RFX2: variants seen among roughly 807,000 people sequenced by gnomAD.
RFX2 encodes the protein regulatory factor X2.
In RFX2, 20 loss-of-function variants were observed where a neutral mutation model predicts 87.8. The ratio of observed to expected loss-of-function variants is 0.23; its 90% CI spans 0.16 to 0.33. RFX2 has a LOEUF of 0.33. Among genes scored for constraint, RFX2 ranks in the 10% least tolerant of loss-of-function variants. The pLI is 1.00. For synonymous variants in RFX2, 397 were observed against 431.3 expected, an observed-to-expected ratio of 0.92 and a Z score of 0.98; for missense variants, 767 against 1,012.3, an observed-to-expected ratio of 0.76 and a Z score of 3.29.
chr19:6,073,058 C>A (rs2087632083), intron 1 of RFX2: 2 of 465,920 alleles, frequency 4.3e-6, no homozygotes, highest in African/African-American at 4.0e-5. Flanking sequence ...CAGCTCACTG[C>A]AACCTCCGCC....
chr19:6,070,326 C>T (rs2087588384), intron 1 of RFX2, among the ~76,000 whole-genome samples: 1 of 144,188 alleles, frequency 6.9e-6, no homozygotes, highest in South Asian at 2.2e-4. Context: ...TCCACCAGTA[C>T]AGGAGAGAAG....
chr19:6,014,514 C>T lies in RFX2; in HGVS notation c.780-1409G>A, dbSNP rs537865434. ...TTGGCCTCCCAATGTGCTAGGATTA[C>T]AGGCGTGAGCAACCATGCCCGGCCC... is the stretch of plus-strand genomic sequence containing the variant. On this transcript the variant is annotated intron_variant, in intron 7 of 17. Transcript: ENST00000303657. Among the ~76,000 whole-genome samples, 51 of 152,370 alleles carry T rather than the reference C, an allele frequency of 3.3e-4. 1 individual carries two copies. In the South Asian group the frequency reaches 0.01, roughly 30 times the overall value.
chr19:6,110,319 GGCCCCCGAACGGGGTCCCCGCC>G lies in RFX2; in HGVS notation c.-9+52_-9+73del, dbSNP rs1396623649. 3.3e-3 allele frequency: 1 copy of G among 304 alleles called. No individual in the cohort carries two copies. The highest frequency in any genetic ancestry group is 9.6e-3 in the Non-Finnish European group (1 of 104). The allele number at this position is 304 out of a possible 1,614,324, so 0.0% of individuals were successfully genotyped here. On this transcript the variant is annotated intron_variant, in intron 1 of 17. Transcript: ENST00000303657. The surrounding 1 kb of genome is among the most constrained non-coding windows in gnomAD (Gnocchi z 4.3). Reference sequence around the variant, plus strand: ...GGCGGGGACGTGCTGCCCGCCCCCCGGCCCCCGAACGGGGTCCCCGCCGCCCCCCACACTCCCCGGCCGGGCT... The same window carrying G: ...GGCGGGGACGTGCTGCCCGCCCCCCGGCCCCCCACACTCCCCGGCCGGGCT...
At chr19:6,073,424 G>A (rs532361809) in intron 1 of RFX2, 11 of 1,008,126 alleles carry the variant, frequency 1.1e-5, no homozygotes, top group African/African-American at 3.2e-5. Flanking sequence ...TGCTGAGATC[G>A]CTCACAGTGT....
At chr19:6,034,554 G>T (rs995443278) in intron 5 of RFX2, among the ~76,000 whole-genome samples, 1 of 152,052 alleles carries the variant, frequency 6.6e-6, no homozygotes, top group South Asian at 2.1e-4. Flanking sequence ...TAGAGATGGG[G>T]TCTCACTATG....
chr19:6,046,908 T>G (rs974346633), intron 2 of RFX2, among the ~76,000 whole-genome samples: 1 of 151,128 alleles, frequency 6.6e-6, no homozygotes, highest in Admixed American at 6.6e-5. Context: ...GGACTACAGG[T>G]GCAGCCCACC....
chr19:6,001,131 A>G lies in RFX2; in HGVS notation c.1859+684T>C, dbSNP rs1039455350. Among the ~76,000 whole-genome samples, 2 of 152,074 alleles carry G rather than the reference A, an allele frequency of 1.3e-5. No individual in the cohort carries two copies. The highest frequency in any genetic ancestry group is 6.5e-5 in the Admixed American group (1 of 15,268). ...TCTACTGCCTTCTGGGTTTCTGCAC[A>G]TTGTTCGGAAGTCTAATGCTGCTCC... On this transcript the variant is annotated intron_variant, in intron 15 of 17. Transcript: ENST00000303657. This position sits in a 1 kb window ranked among gnomAD's most constrained non-coding sequence, Gnocchi z 5.6.
chr19:6,087,083 T>C (rs2087865268), intron 1 of RFX2, among the ~76,000 whole-genome samples: 1 of 152,140 alleles, frequency 6.6e-6, no homozygotes, highest in Non-Finnish European at 1.5e-5. Context: ...GGCAGATCTG[T>C]GGTCTTTAGA....
intron 1 of RFX2, among the ~76,000 whole-genome samples, chr19:6,105,450 G>C (rs992708996): frequency 6.6e-6 from 1 of 152,190 alleles, no homozygotes; most frequent in African/African-American, 2.4e-5. Context: ...CTAGCTTGGC[G>C]ATGAGGTCAA....
At chr19:6,067,153 G>A (rs2087526406) in intron 1 of RFX2, among the ~76,000 whole-genome samples, 1 of 152,142 alleles carries the variant, frequency 6.6e-6, no homozygotes, top group Non-Finnish European at 1.5e-5. Context: ...TTCTCCAAGA[G>A]GAAAGAATCT....
At chr19:6,033,961 AT>A in intron 5 of RFX2, among the ~76,000 whole-genome samples, 1 of 152,348 alleles carries the variant, frequency 6.6e-6, no homozygotes, top group Admixed American at 6.5e-5. Flanking sequence ...AGCGATTATC[AT>A]CATGTGTGTT....
chr19:6,009,766 A>G (rs1599847505), intron 9 of RFX2, among the ~76,000 whole-genome samples: 1 of 151,998 alleles, frequency 6.6e-6, no homozygotes, highest in South Asian at 2.1e-4. Context: ...AGTTTTTAGT[A>G]TGTTGCCTAG....
chr19:6,006,998 C>T lies in RFX2; in HGVS notation c.1402+14G>A, dbSNP rs753668012. ...AGGATGGAGCAGCGCCGGGCGGGGC[C>T]GTGGGTCACTTACTGGGGACCGGCC... On this transcript the variant is annotated intron_variant, in intron 12 of 17. Coordinates refer to ENST00000303657, the MANE Select transcript of RFX2 (RefSeq NM_000635.4). 1.2e-5 allele frequency: 19 copies of T among 1,613,256 alleles called. No individual in the cohort carries two copies. The highest frequency in any genetic ancestry group is 8.3e-5 in the Admixed American group (5 of 59,978).
chr19:6,071,239 T>A (rs1323430862), intron 1 of RFX2, among the ~76,000 whole-genome samples: 2 of 152,188 alleles, frequency 1.3e-5, no homozygotes, highest in African/African-American at 4.8e-5. Context: ...GCAAGGAAAT[T>A]TAATGCAAGA....
intron 12 of RFX2, among the ~76,000 whole-genome samples, chr19:6,006,283 C>T (rs2086579174): frequency 6.6e-6 from 1 of 152,174 alleles, no homozygotes; most frequent in East Asian, 1.9e-4. Flanking sequence ...GCCTCAGCCT[C>T]CTGGGTCGCT....
chr19:6,070,438 T>C (rs1406887110), intron 1 of RFX2, among the ~76,000 whole-genome samples: 1 of 152,054 alleles, frequency 6.6e-6, no homozygotes, highest in Non-Finnish European at 1.5e-5. Flanking sequence ...CTGTGTTTAC[T>C]CCTCGCCAGC....
chr19:5,997,402 G>A lies in RFX2; in HGVS notation c.1860-189C>T. On this transcript the variant is annotated intron_variant, in intron 15 of 17. Transcript: ENST00000303657. The surrounding 1 kb of genome is among the most constrained non-coding windows in gnomAD (Gnocchi z 4.2). Reference sequence around the variant, plus strand: ...GCCGAGACCCTGGGCCCACGTGACGGACAGGTGGGGCCGGCCTGCGCGCTC... The same window carrying A: ...GCCGAGACCCTGGGCCCACGTGACGAACAGGTGGGGCCGGCCTGCGCGCTC... The A allele has an allele frequency of 1.6e-6, 1 of 638,468 alleles. No individual in the cohort carries two copies. Among genetic ancestry groups the A allele is most frequent in the Non-Finnish European group, 2.6e-6 (1 of 385,070 alleles). The allele number at this position is 638,468 out of a possible 1,614,324, so 39.6% of individuals were successfully genotyped here. A position where few individuals can be genotyped will look rare whatever the true frequency, so the allele number is the denominator to read the frequency against.
In RFX2 at chr19:6,027,854, A is replaced by AG. The variant is rs2144737700; in HGVS notation, c.523-1618dup. On this transcript the variant is annotated intron_variant, in intron 5 of 17. Transcript: ENST00000303657. This position sits in a 1 kb window ranked among gnomAD's most constrained non-coding sequence, Gnocchi z 5.0. Reference sequence around the variant, plus strand: ...CGGCTCAGGGCCACCTCTGCCTCCTAGGCTCAAGTGATTCTCATGCCTCAG... The same window carrying AG: ...CGGCTCAGGGCCACCTCTGCCTCCTAGGGCTCAAGTGATTCTCATGCCTCAG... Among the ~76,000 whole-genome samples, 1 of 152,250 alleles carries AG rather than the reference A, an allele frequency of 6.6e-6. No individual in the cohort carries two copies. The highest frequency in any genetic ancestry group is 2.4e-5 in the African/African-American group (1 of 41,560).
Position 6,042,261 on chromosome 19 carries a change from C to G in RFX2, c.181-138G>C, listed in dbSNP as rs867753762. ...ACAATGTTCCCGCCCACAGTCGGCACGCCTAGAAAGACACTGAGGAGACAG... is the reference window on the plus strand; with the variant it reads ...ACAATGTTCCCGCCCACAGTCGGCAGGCCTAGAAAGACACTGAGGAGACAG... On this transcript the variant is annotated intron_variant, in intron 3 of 17. Coordinates refer to ENST00000303657, the MANE Select transcript of RFX2 (RefSeq NM_000635.4). 3 of 744,196 alleles carry G rather than the reference C, an allele frequency of 4.0e-6. No individual in the cohort carries two copies. In the South Asian group the frequency reaches 4.7e-5, roughly 12 times the overall value. 46.1% of individuals were successfully genotyped at this position (744,196 alleles called of 1,614,324 possible). A position where few individuals can be genotyped will look rare whatever the true frequency, so the allele number is the denominator to read the frequency against.
Sources: allele counts gnomAD v4.1 joint callset (sites outside exome capture counted in the v4.1 genomes callset), GRCh38; gene constraint gnomAD v4.1.1; non-coding constraint Gnocchi (gnomAD v3.1); transcripts MANE v1.5; gene names NCBI Gene and HGNC (gene_info 2026-07-23, HGNC 2026-07-21).